KLHL4: variants seen among roughly 807,000 people sequenced by gnomAD.
KLHL4 encodes kelch like family member 4.
A neutral mutation model predicts 45.8 loss-of-function variants in KLHL4; 17 were observed. The observed-to-expected ratio is 0.37, with a 90% CI of 0.25 to 0.56. The LOEUF (loss-of-function observed/expected upper bound fraction) is 0.56, where lower values mean the gene tolerates loss of function less well. Among genes scored for constraint, KLHL4 ranks in the 20% least tolerant of loss-of-function variants. The pLI is 0.79. For synonymous variants in KLHL4, 224 were observed against 189.9 expected, an observed-to-expected ratio of 1.18 and a Z score of -1.47; for missense variants, 544 against 544.9, an observed-to-expected ratio of 1.00 and a Z score of 0.02.
intron 1 of KLHL4, among the ~76,000 whole-genome samples, chrX:87,557,859 GTGCCGTAAGGGATCA>G (rs1311962078): frequency 9.0e-6 from 1 of 111,591 alleles, no homozygotes; most frequent in East Asian, 2.8e-4. Flanking sequence ...TAGACACTTT[GTGCCGTAAGGGATCA>G]TGCCCTTCCA....
chrX:87,637,960 A>C (rs903638683), intron 9 of KLHL4, among the ~76,000 whole-genome samples: 2 of 111,395 alleles, frequency 1.8e-5, no homozygotes, highest in South Asian at 3.7e-4. Context: ...AAAATAAATA[A>C]ATAAATACAC....
At position 87,669,243 on chromosome X, in the gene KLHL4, G is replaced by T; in HGVS notation, c.*2709G>T. 1.7e-6 allele frequency: 2 copies of T among 1,162,253 alleles called. No individual in the cohort carries two copies. Among genetic ancestry groups the T allele is most frequent in the Non-Finnish European group, 2.3e-6 (2 of 868,554 alleles). ...ATTTTTTTCTATAATCACTATGACCGTGTTCACGATTCCCTACTCTGCAAC... is the reference window on the plus strand; with the variant it reads ...ATTTTTTTCTATAATCACTATGACCTTGTTCACGATTCCCTACTCTGCAAC... On this transcript the variant is annotated 3_prime_UTR_variant, in exon 11 of 11. Transcript: ENST00000373119.
intron 1 of KLHL4, among the ~76,000 whole-genome samples, chrX:87,603,138 G>A (rs751343793): frequency 9.0e-6 from 1 of 111,446 alleles, no homozygotes; most frequent in Non-Finnish European, 1.9e-5. Context: ...TAATTTAATT[G>A]AGACTACCTC....
intron 9 of KLHL4, among the ~76,000 whole-genome samples, chrX:87,642,053 G>A (rs745587731): frequency 1.8e-5 from 2 of 110,100 alleles, no homozygotes; most frequent in Non-Finnish European, 3.8e-5. Flanking sequence ...GATGCTTTCT[G>A]GAAAGTGCCA....
intron 1 of KLHL4, among the ~76,000 whole-genome samples, chrX:87,551,919 C>T (rs1931835059): frequency 8.9e-6 from 1 of 111,778 alleles, no homozygotes; most frequent in Non-Finnish European, 1.9e-5. Context: ...GGATTAAGGA[C>T]TTAAATCTAA....
At chrX:87,641,686 G>A (rs1923463969) in intron 9 of KLHL4, among the ~76,000 whole-genome samples, 1 of 111,000 alleles carries the variant, frequency 9.0e-6, no homozygotes. Context: ...AAACAGACTT[G>A]GGGCTGTTGG....
At chrX:87,584,998 A>G (rs1569347058) in intron 1 of KLHL4, among the ~76,000 whole-genome samples, 1 of 111,627 alleles carries the variant, frequency 9.0e-6, no homozygotes, top group Non-Finnish European at 1.9e-5. Flanking sequence ...AACAAGTAAC[A>G]TTAAATGAAG....
At chrX:87,584,857 CAAAAAAA>C (rs35181676) in intron 1 of KLHL4, among the ~76,000 whole-genome samples, 1 of 76,774 alleles carries the variant, frequency 1.3e-5, no homozygotes, top group Non-Finnish European at 2.5e-5. Flanking sequence ...TATCCGTATC[CAAAAAAA>C]AAAAAAAAAA....
chrX:87,624,617 T>C (rs917734159), intron 5 of KLHL4, among the ~76,000 whole-genome samples: 2 of 111,343 alleles, frequency 1.8e-5, no homozygotes. Flanking sequence ...CTGCTCACTA[T>C]TCCTCTCAAT....
At chrX:87,591,720 A>T (rs1229445705) in intron 1 of KLHL4, among the ~76,000 whole-genome samples, 1 of 111,661 alleles carries the variant, frequency 9.0e-6, no homozygotes, top group Non-Finnish European at 1.9e-5. Flanking sequence ...TAACATTTTT[A>T]AATTTGTATG....
At chrX:87,586,241 A>G (rs996181988) in intron 1 of KLHL4, among the ~76,000 whole-genome samples, 2 of 111,111 alleles carry the variant, frequency 1.8e-5, no homozygotes, top group Admixed American at 1.9e-4. Context: ...TCAACAAAGA[A>G]ACATGAGACT....
At chrX:87,568,375 TTTCTTTTCTTTTTTTC>T (rs1348625729) in intron 1 of KLHL4, among the ~76,000 whole-genome samples, 8 of 88,971 alleles carry the variant, frequency 9.0e-5, no homozygotes, top group African/African-American at 2.8e-4. Flanking sequence ...TTTTTTTCTT[TTTCTTTTCTTTTTTTC>T]TTTTTTTTTT....
At chrX:87,571,804 G>A (rs12556427) in intron 1 of KLHL4, among the ~76,000 whole-genome samples, 19 of 110,740 alleles carry the variant, frequency 1.7e-4, no homozygotes, top group Admixed American at 4.8e-4. Flanking sequence ...TTTTTCTCAT[G>A]AGTGTATTTA....
intron 1 of KLHL4, among the ~76,000 whole-genome samples, chrX:87,597,341 C>G (rs1307440735): frequency 9.0e-6 from 1 of 111,108 alleles, no homozygotes; most frequent in Non-Finnish European, 1.9e-5. Flanking sequence ...ATACCTGCTT[C>G]TAACCCTTCT....
chrX:87,577,554 CA>C (rs1260445718), intron 1 of KLHL4, among the ~76,000 whole-genome samples: 2 of 111,721 alleles, frequency 1.8e-5, no homozygotes, highest in Non-Finnish European at 3.8e-5. Context: ...ATGACTCAGA[CA>C]ATTCTGACGT....
intron 1 of KLHL4, among the ~76,000 whole-genome samples, chrX:87,596,701 G>A (rs1921850054): frequency 1.8e-5 from 2 of 111,807 alleles, no homozygotes; most frequent in African/African-American, 3.3e-5. Context: ...ATTACAGGGA[G>A]GCAGGGCAGA....
intron 9 of KLHL4, among the ~76,000 whole-genome samples, chrX:87,636,282 C>T (rs1258185180): frequency 9.0e-6 from 1 of 111,649 alleles, no homozygotes; most frequent in Non-Finnish European, 1.9e-5. Context: ...AATTTTATGC[C>T]AAGCTACATC....
At chrX:87,666,325 G>C in intron 10 of KLHL4, 150 bp from the exon 11 acceptor site, 4 of 474,083 alleles carry the variant, frequency 8.4e-6, no homozygotes, top group Non-Finnish European at 1.3e-5. Flanking sequence ...ACACTACACT[G>C]TTTTCTAGGC....
chrX:87,518,519 G>C (rs977469306), intron 1 of KLHL4, among the ~76,000 whole-genome samples: 9 of 111,610 alleles, frequency 8.1e-5, no homozygotes, highest in Non-Finnish European at 1.5e-4. Flanking sequence ...CCGGAAATTT[G>C]GGGGGTGGGT....
Sources: allele counts gnomAD v4.1 joint callset (sites outside exome capture counted in the v4.1 genomes callset), GRCh38; gene constraint gnomAD v4.1.1; transcripts MANE v1.5; gene names NCBI Gene and HGNC (gene_info 2026-07-23, HGNC 2026-07-21).